TMTC2: variants seen among roughly 807,000 people sequenced by gnomAD.
The protein encoded by TMTC2 is protein O-mannosyl-transferase TMTC2.
A neutral mutation model predicts 82.4 loss-of-function variants in TMTC2; 43 were observed. The observed-to-expected ratio is 0.52, with a 90% CI of 0.41 to 0.67. TMTC2 has a LOEUF of 0.67. Among genes scored for constraint, TMTC2 ranks in the 30% least tolerant of loss-of-function variants. The probability of loss-of-function intolerance (pLI) is 0.00; values close to 1 mark genes in which losing one functional copy is unlikely to be tolerated. For synonymous variants in TMTC2, 408 were observed against 381.9 expected (o/e 1.07, Z -0.80); for missense variants, 919 against 1,012.4 (o/e 0.91, Z 1.25).
At chr12:82,763,463 T>C (rs1876767864) in intron 1 of TMTC2, among the ~76,000 whole-genome samples, 1 of 152,232 alleles carries the variant, frequency 6.6e-6, no homozygotes. Flanking sequence ...TTGTGATGCC[T>C]ACAGCCTGAC....
intron 1 of TMTC2, among the ~76,000 whole-genome samples, chr12:82,828,077 G>C (rs772627417): frequency 6.6e-6 from 1 of 151,766 alleles, no homozygotes; most frequent in Admixed American, 6.6e-5. Context: ...ATTTTTAGTA[G>C]AGACTGGGTT....
chr12:82,885,334 ATC>A (rs897059617), intron 2 of TMTC2, among the ~76,000 whole-genome samples: 31 of 150,988 alleles, frequency 2.1e-4, no homozygotes, highest in African/African-American at 7.3e-4. Context: ...TAATTTTGTT[ATC>A]TGTTTTCTTT....
At chr12:82,855,503 C>T (rs1178853489) in intron 1 of TMTC2, among the ~76,000 whole-genome samples, 1 of 152,172 alleles carries the variant, frequency 6.6e-6, no homozygotes, top group African/African-American at 2.4e-5. Flanking sequence ...CCCACAGCTC[C>T]TTAAAAAGCC....
chr12:82,961,050 C>T (rs940932220), intron 4 of TMTC2, among the ~76,000 whole-genome samples: 8 of 151,736 alleles, frequency 5.3e-5, no homozygotes, highest in Non-Finnish European at 8.8e-5. Context: ...AGGTATGTTA[C>T]TTAACTTTTC....
chr12:82,787,307 G>A (rs930704553), intron 1 of TMTC2, among the ~76,000 whole-genome samples: 1 of 151,970 alleles, frequency 6.6e-6, no homozygotes, highest in African/African-American at 2.4e-5. Context: ...CATTTTACAT[G>A]TGGGATAGCT....
intron 8 of TMTC2, among the ~76,000 whole-genome samples, chr12:82,997,176 C>CTCTCTCTCT (rs1218320154): frequency 9.0e-5 from 1 of 11,110 alleles, no homozygotes; most frequent in African/African-American, 1.3e-4. Context: ...CTCTCTCTCT[C>CTCTCTCTCT]CCACCCCTCC....
intron 11 of TMTC2, among the ~76,000 whole-genome samples, chr12:83,083,302 G>C (rs764806651): frequency 3.3e-5 from 5 of 152,078 alleles, no homozygotes; most frequent in African/African-American, 9.7e-5. Context: ...TCTTCCTTAG[G>C]GCATTTATAC....
In TMTC2 at chr12:82,857,014, G is replaced by GA; in HGVS notation, c.88_89insA (p.Ala30AspfsTer5). 2 of 1,605,372 alleles carry GA rather than the reference G, an allele frequency of 1.2e-6. No homozygotes were observed. Among genetic ancestry groups the GA allele is most frequent in the Non-Finnish European group, 1.7e-6 (2 of 1,176,286 alleles). On this transcript the variant is annotated frameshift_variant, in exon 2 of 12. Coordinates refer to ENST00000321196, the MANE Select transcript of TMTC2 (RefSeq NM_152588.3). LOFTEE classifies it high-confidence loss of function. ...TTTTAACGTTTTGTTTTTTAGCCGT[G>GA]CTATCAAGACTAATCAGGACCTTCT...
At chr12:82,920,221 C>T (rs1360419210) in intron 3 of TMTC2, among the ~76,000 whole-genome samples, 1 of 152,068 alleles carries the variant, frequency 6.6e-6, no homozygotes, top group African/African-American at 2.4e-5. Flanking sequence ...AAAAAACTTT[C>T]TCAAATCTCC....
At chr12:82,843,189 C>T (rs944912083) in intron 1 of TMTC2, among the ~76,000 whole-genome samples, 12 of 152,018 alleles carry the variant, frequency 7.9e-5, no homozygotes, top group African/African-American at 1.9e-4. Context: ...CGGGTTCAAG[C>T]GATTCTCCTG....
chr12:82,946,154 C>T (rs7970086), intron 4 of TMTC2, among the ~76,000 whole-genome samples: 26,538 of 152,032 alleles, frequency 0.17, 2,849 homozygotes, highest in African/African-American at 0.3. Flanking sequence ...GTATTACCTT[C>T]TAGTGAACTA....
In TMTC2 at chr12:82,896,311, A is replaced by G. The variant is rs1873679860; in HGVS notation, c.1148A>G (p.Gln383Arg). 1 of 1,614,100 alleles carries G rather than the reference A, an allele frequency of 6.2e-7. No individual in the cohort carries two copies. The highest frequency in any genetic ancestry group is 1.3e-5 in the African/African-American group (1 of 74,948). ...VENGIKNDVS[Q>R]RTQLPSTENI... is the part of the protein sequence containing the mutation. ...AATGGCATTAAAAACGATGTATCAC[A>G]GAGAACCCAGCTTCCTTCTACGGAG... The change falls in exon 3 of 12, where the codon CAG (glutamine) becomes CGG (arginine). Residue 383 changes from glutamine to arginine, a missense_variant. Physicochemically the swap from Gln to Arg is conservative, Grantham distance 43 (BLOSUM62 1). Transcript: ENST00000321196.
intron 8 of TMTC2, among the ~76,000 whole-genome samples, chr12:83,014,688 A>G (rs1880597521): frequency 6.6e-6 from 1 of 151,394 alleles, no homozygotes; most frequent in African/African-American, 2.4e-5. Context: ...TTTGCCTCTG[A>G]GTAAATAGAT....
At chr12:82,979,533 T>TGCATGTCTC (rs1486582719) in intron 7 of TMTC2, among the ~76,000 whole-genome samples, 2 of 151,776 alleles carry the variant, frequency 1.3e-5, no homozygotes, top group African/African-American at 4.8e-5. Flanking sequence ...TCTTATACTG[T>TGCATGTCTC]GCATGTCTCG....
At chr12:82,775,095 C>T (rs2137000733) in intron 1 of TMTC2, among the ~76,000 whole-genome samples, 1 of 151,962 alleles carries the variant, frequency 6.6e-6, no homozygotes, top group South Asian at 2.1e-4. Context: ...AATTTAACCA[C>T]AATGAAAAAA....
At chr12:82,696,963 C>CATAT (rs1491534159) in intron 1 of TMTC2, among the ~76,000 whole-genome samples, 2 of 121,422 alleles carry the variant, frequency 1.6e-5, no homozygotes, top group East Asian at 3.2e-4. Context: ...TACATACATA[C>CATAT]GTATATATAT....
At chr12:82,717,362 T>G (rs574054011) in intron 1 of TMTC2, among the ~76,000 whole-genome samples, 5 of 151,942 alleles carry the variant, frequency 3.3e-5, no homozygotes, top group Non-Finnish European at 7.4e-5. Context: ...GTAGCTGGAA[T>G]TACAGGTGCT....
At chr12:82,967,399 GTAATAT>G (rs997814260) in intron 7 of TMTC2, among the ~76,000 whole-genome samples, 4 of 151,164 alleles carry the variant, frequency 2.6e-5, no homozygotes, top group African/African-American at 9.8e-5. Context: ...TAAATTCAGA[GTAATAT>G]TAATAATAAA....
chr12:82,911,907 GC>G (rs1342668371), intron 3 of TMTC2, among the ~76,000 whole-genome samples: 5 of 152,256 alleles, frequency 3.3e-5, no homozygotes, highest in African/African-American at 1.2e-4. Context: ...ACCTCGTCCA[GC>G]CCATACTCGG....
Sources: allele counts gnomAD v4.1 joint callset (sites outside exome capture counted in the v4.1 genomes callset), GRCh38; gene constraint gnomAD v4.1.1; transcripts MANE v1.5; gene names NCBI Gene and HGNC (gene_info 2026-07-23, HGNC 2026-07-21).